The following SLC6A11 variants were observed in gnomAD, a reference collection of about 807,000 sequenced individuals.
The protein encoded by SLC6A11 is solute carrier family 6 member 11, also known as sodium- and chloride-dependent GABA transporter 3.
A neutral mutation model predicts 74.8 loss-of-function variants in SLC6A11; 25 were observed. That is an observed-to-expected ratio of 0.33 (90% CI 0.24 to 0.47). SLC6A11 has a LOEUF of 0.47. Ranked by LOEUF, SLC6A11 falls within the 20% of genes least tolerant of loss-of-function variation. The probability of loss-of-function intolerance (pLI) is 1.00; values close to 1 mark genes in which losing one functional copy is unlikely to be tolerated. For synonymous variants in SLC6A11, 330 were observed against 330.2 expected, an observed-to-expected ratio of 1.00 and a Z score of 0.01; for missense variants, 574 against 837.0, an observed-to-expected ratio of 0.69 and a Z score of 3.88.
rs2106627352 is a variant in SLC6A11 at position 10,915,355 on chromosome 3, C to G, written c.996-2974C>G. ...GGTTTTATTCCATCTCTCCCATCAG[C>G]AGAAGAAAGCAAATCCCCTGGGTGG... On this transcript the variant is annotated intron_variant, in intron 7 of 13. Coordinates refer to ENST00000254488, the MANE Select transcript of SLC6A11 (RefSeq NM_014229.3). The surrounding 1 kb of genome is among the most constrained non-coding windows in gnomAD (Gnocchi z 4.3). Among the ~76,000 whole-genome samples, 1 of 152,310 alleles carries G rather than the reference C, an allele frequency of 6.6e-6. No individual in the cohort carries two copies. Among genetic ancestry groups the G allele is most frequent in the South Asian group, 2.1e-4 (1 of 4,816 alleles).
intron 6 of SLC6A11, among the ~76,000 whole-genome samples, chr3:10,898,786 G>A (rs1206695571): frequency 1.3e-5 from 2 of 152,128 alleles, no homozygotes; most frequent in East Asian, 3.8e-4. Flanking sequence ...CCACATTTTT[G>A]GGTATCTTTT....
chr3:10,895,722 A>G (rs1288831851), intron 6 of SLC6A11, among the ~76,000 whole-genome samples: 1 of 151,932 alleles, frequency 6.6e-6, no homozygotes, highest in Non-Finnish European at 1.5e-5. Context: ...AAACTTTTTT[A>G]GGAGCAAGGG....
chr3:10,830,330 T>C (rs1694278164), intron 4 of SLC6A11, among the ~76,000 whole-genome samples: 1 of 152,208 alleles, frequency 6.6e-6, no homozygotes, highest in Admixed American at 6.5e-5. Context: ...TTACCCACAA[T>C]GCTACTGCAT....
At chr3:10,855,914 G>A (rs1257488161) in intron 5 of SLC6A11, among the ~76,000 whole-genome samples, 3 of 152,150 alleles carry the variant, frequency 2.0e-5, no homozygotes, top group African/African-American at 7.2e-5. Context: ...CTTTGCCTAT[G>A]TTGATTGGGA....
At chr3:10,817,862 C>T (rs2106568355) in intron 1 of SLC6A11, among the ~76,000 whole-genome samples, 1 of 152,306 alleles carries the variant, frequency 6.6e-6, no homozygotes, top group Non-Finnish European at 1.5e-5. Context: ...GTGCCCTGTG[C>T]TCTCGGCTGT....
chr3:10,819,092 G>A (rs1031778792), intron 1 of SLC6A11, among the ~76,000 whole-genome samples: 5 of 152,168 alleles, frequency 3.3e-5, no homozygotes, highest in African/African-American at 4.8e-5. Flanking sequence ...ATGAAAAAGG[G>A]TGCAACATTC....
chr3:10,880,078 G>A (rs1694957155), intron 6 of SLC6A11, among the ~76,000 whole-genome samples: 1 of 152,216 alleles, frequency 6.6e-6, no homozygotes, highest in African/African-American at 2.4e-5. Flanking sequence ...TGCTGTGGCG[G>A]TAGAGAAACA....
chr3:10,886,545 T>C (rs1695044746), intron 6 of SLC6A11, among the ~76,000 whole-genome samples: 1 of 152,226 alleles, frequency 6.6e-6, no homozygotes, highest in South Asian at 2.1e-4. Flanking sequence ...TGGTGGCTCA[T>C]GCCTGTAATT....
In SLC6A11 at chr3:10,925,005, C is replaced by T. The variant is rs527787949; in HGVS notation, c.1121-999C>T. Among the ~76,000 whole-genome samples, 6 of 152,108 alleles carry T rather than the reference C, an allele frequency of 3.9e-5. No homozygotes were observed. The South Asian group carries it at 6.2e-4, about 16-fold the overall frequency. On this transcript the variant is annotated intron_variant, in intron 8 of 13. Transcript: ENST00000254488. ...CTAGGTAGAATAGGCAAAACTAGTC[C>T]GAGGACGAAAAAAAATTGAATTGAT...
At chr3:10,857,100 A>C (rs1020102979) in intron 5 of SLC6A11, among the ~76,000 whole-genome samples, 4 of 152,170 alleles carry the variant, frequency 2.6e-5, no homozygotes, top group African/African-American at 9.7e-5. Context: ...GAAGATAATC[A>C]ACATGATTCT....
At chr3:10,920,728 G>A (rs1021937553) in intron 8 of SLC6A11, among the ~76,000 whole-genome samples, 5 of 152,168 alleles carry the variant, frequency 3.3e-5, no homozygotes, top group Admixed American at 6.5e-5. Flanking sequence ...TATCACAGAC[G>A]AGGACCTTGT....
intron 4 of SLC6A11, among the ~76,000 whole-genome samples, chr3:10,840,137 C>A (rs1317909645): frequency 6.6e-6 from 1 of 152,132 alleles, no homozygotes; most frequent in Non-Finnish European, 1.5e-5. Context: ...AGAAAGCAGC[C>A]ACGGCCCCTC....
chr3:10,889,223 C>T (rs531898157), intron 6 of SLC6A11, among the ~76,000 whole-genome samples: 1 of 152,108 alleles, frequency 6.6e-6, no homozygotes, highest in Admixed American at 6.5e-5. Context: ...GAACATCTTG[C>T]ATTTGGGTGA....
chr3:10,844,073 G>A, intron 4 of SLC6A11, 141 bp from the exon 5 acceptor site: 2 of 937,878 alleles, frequency 2.1e-6, no homozygotes, highest in Admixed American at 2.5e-5. Flanking sequence ...GAGGCCCCAA[G>A]TCCTCCCCAG....
At chr3:10,892,536 A>G (rs1351299839) in intron 6 of SLC6A11, among the ~76,000 whole-genome samples, 1 of 152,032 alleles carries the variant, frequency 6.6e-6, no homozygotes, top group Non-Finnish European at 1.5e-5. Flanking sequence ...CATCAGCTGT[A>G]AAATGAGAGT....
chr3:10,826,249 A>G (rs1040913944), intron 4 of SLC6A11, among the ~76,000 whole-genome samples: 1 of 152,178 alleles, frequency 6.6e-6, no homozygotes, highest in African/African-American at 2.4e-5. Context: ...CTGGTTACCT[A>G]CCCCAGGCCT....
chr3:10,863,184 AAG>A (rs1694723344), intron 5 of SLC6A11, among the ~76,000 whole-genome samples: 2 of 152,222 alleles, frequency 1.3e-5, no homozygotes, highest in East Asian at 3.9e-4. Flanking sequence ...ATACCAAGTA[AAG>A]AGAAAGCCAG....
chr3:10,874,472 C>G (rs1272741258), intron 5 of SLC6A11, among the ~76,000 whole-genome samples: 5 of 152,140 alleles, frequency 3.3e-5, no homozygotes, highest in African/African-American at 1.2e-4. Context: ...CTCTGTGGCC[C>G]ACTCCTATCA....
intron 6 of SLC6A11, among the ~76,000 whole-genome samples, chr3:10,902,086 CTGTG>C (rs3836462): frequency 4.0e-5 from 6 of 150,422 alleles, no homozygotes; most frequent in African/African-American, 7.3e-5. Flanking sequence ...GTGTGTGGGT[CTGTG>C]TGTGTGTGTG....
Sources: allele counts gnomAD v4.1 joint callset (sites outside exome capture counted in the v4.1 genomes callset), GRCh38; gene constraint gnomAD v4.1.1; non-coding constraint Gnocchi (gnomAD v3.1); transcripts MANE v1.5; gene names NCBI Gene and HGNC (gene_info 2026-07-23, HGNC 2026-07-21).